KCND2: variants seen among roughly 807,000 people sequenced by gnomAD.
The protein encoded by KCND2 is potassium voltage-gated channel subfamily D member 2.
KCND2 carries 16 observed loss-of-function variants against 54.4 expected under a neutral mutation model. The observed-to-expected ratio is 0.29, with a 90% CI of 0.20 to 0.45. The LOEUF is 0.45. Among genes scored for constraint, KCND2 ranks in the 20% least tolerant of loss-of-function variants. The pLI is 1.00. For missense variants in KCND2, 486 were observed against 824.2 expected (o/e 0.59, Z 5.02); for synonymous variants, 317 against 310.7 (o/e 1.02, Z -0.21).
At chr7:120,614,099 G>A (rs953589404) in intron 1 of KCND2, among the ~76,000 whole-genome samples, 7 of 150,302 alleles carry the variant, frequency 4.7e-5, no homozygotes, top group African/African-American at 7.3e-5. Context: ...TGCAACCTCC[G>A]CCTCCTGGGT....
chr7:120,355,220 T>A (rs1385567791), intron 1 of KCND2, among the ~76,000 whole-genome samples: 1 of 152,162 alleles, frequency 6.6e-6, no homozygotes, highest in African/African-American at 2.4e-5. Context: ...CAGCCAGTGT[T>A]AAATGTGCCA....
At chr7:120,614,409 G>A (rs772017274) in intron 1 of KCND2, among the ~76,000 whole-genome samples, 1 of 152,216 alleles carries the variant, frequency 6.6e-6, no homozygotes. Context: ...AGGTTTGCTA[G>A]ATTTGACCTC....
intron 1 of KCND2, among the ~76,000 whole-genome samples, chr7:120,536,383 G>A (rs1291344907): frequency 6.6e-6 from 1 of 152,132 alleles, no homozygotes; most frequent in East Asian, 1.9e-4. Flanking sequence ...TTCAGTGGCT[G>A]TGGCAATTTC....
At chr7:120,350,833 C>A (rs1341493372) in intron 1 of KCND2, among the ~76,000 whole-genome samples, 1 of 152,092 alleles carries the variant, frequency 6.6e-6, no homozygotes, top group East Asian at 1.9e-4. Flanking sequence ...GTTGTGTTTC[C>A]AGTCATACTT....
intron 1 of KCND2, among the ~76,000 whole-genome samples, chr7:120,314,679 G>T (rs1799787406): frequency 6.6e-6 from 1 of 152,068 alleles, no homozygotes. Flanking sequence ...TTGCCTGAAT[G>T]ATTACAAATT....
chr7:120,515,587 T>A (rs184608152), intron 1 of KCND2, among the ~76,000 whole-genome samples: 397 of 152,076 alleles, frequency 2.6e-3, no homozygotes, highest in African/African-American at 9.1e-3. Flanking sequence ...ACCCACACCT[T>A]TGGAGGGATA....
At chr7:120,487,501 C>T (rs1234457047) in intron 1 of KCND2, among the ~76,000 whole-genome samples, 1 of 152,078 alleles carries the variant, frequency 6.6e-6, no homozygotes, top group Non-Finnish European at 1.5e-5. Context: ...AAAATGCCAT[C>T]AACTATTTGC....
At chr7:120,672,134 A>T (rs546771044) in intron 1 of KCND2, among the ~76,000 whole-genome samples, 2 of 151,986 alleles carry the variant, frequency 1.3e-5, no homozygotes, top group South Asian at 4.2e-4. Context: ...TGTTCAACCT[A>T]CTTCTGTTCA....
At position 120,724,997 on chromosome 7, in the gene KCND2, G is replaced by T. The variant is rs568977908; in HGVS notation, c.1116-7906G>T. ...AAAAAACACTTCATTAGAATGTTAGGTCAAAATCATATGTTCCATTTATAA... is the reference window on the plus strand; with the variant it reads ...AAAAAACACTTCATTAGAATGTTAGTTCAAAATCATATGTTCCATTTATAA... On this transcript the variant is annotated intron_variant, in intron 1 of 5. Coordinates refer to ENST00000331113, the MANE Select transcript of KCND2 (RefSeq NM_012281.3). Among the ~76,000 whole-genome samples, 5 of 152,162 alleles carry T rather than the reference G, an allele frequency of 3.3e-5. No homozygotes were observed. The East Asian group carries it at 9.7e-4, about 29-fold the overall frequency.
At chr7:120,388,473 A>C (rs1801021739) in intron 1 of KCND2, among the ~76,000 whole-genome samples, 1 of 152,042 alleles carries the variant, frequency 6.6e-6, no homozygotes, top group Admixed American at 6.6e-5. Flanking sequence ...AGCAAACCAG[A>C]AGCCTAGGGC....
intron 1 of KCND2, among the ~76,000 whole-genome samples, chr7:120,685,559 G>A (rs1792190006): frequency 6.6e-6 from 1 of 152,154 alleles, no homozygotes; most frequent in South Asian, 2.1e-4. Flanking sequence ...TCAAAGTTAG[G>A]TGTAGCCAGC....
intron 1 of KCND2, among the ~76,000 whole-genome samples, chr7:120,611,241 G>C (rs746804991): frequency 9.1e-4 from 139 of 152,120 alleles, no homozygotes; most frequent in Non-Finnish European, 1.5e-3. Context: ...CATTTCATTC[G>C]TCAGTGTCTT....
intron 1 of KCND2, among the ~76,000 whole-genome samples, chr7:120,504,949 A>C (rs1485267312): frequency 6.6e-6 from 1 of 151,692 alleles, no homozygotes; most frequent in African/African-American, 2.4e-5. Flanking sequence ...GACACTTAGA[A>C]ATATTGTTGC....
intron 1 of KCND2, among the ~76,000 whole-genome samples, chr7:120,620,799 G>C (rs1174234820): frequency 6.6e-6 from 1 of 152,100 alleles, no homozygotes; most frequent in Non-Finnish European, 1.5e-5. Context: ...ATAGGTAAAA[G>C]GAAACAGCTT....
intron 1 of KCND2, among the ~76,000 whole-genome samples, chr7:120,719,697 C>A (rs1402567786): frequency 6.6e-6 from 1 of 151,946 alleles, no homozygotes; most frequent in Non-Finnish European, 1.5e-5. Flanking sequence ...CAAAATAAAA[C>A]AACAAGCAAA....
chr7:120,338,379 ATGT>A (rs140373860), intron 1 of KCND2, among the ~76,000 whole-genome samples: 1,767 of 152,030 alleles, frequency 0.012, 40 homozygotes, highest in African/African-American at 0.04. Context: ...TTTTATCTAA[ATGT>A]TGTACATTTT....
At chr7:120,552,619 G>A (rs1485496499) in intron 1 of KCND2, among the ~76,000 whole-genome samples, 1 of 152,216 alleles carries the variant, frequency 6.6e-6, no homozygotes, top group African/African-American at 2.4e-5. Flanking sequence ...AACGTAGCAA[G>A]GCTTGTTCAT....
At chr7:120,460,660 G>T (rs761944556) in intron 1 of KCND2, among the ~76,000 whole-genome samples, 29 of 149,548 alleles carry the variant, frequency 1.9e-4, no homozygotes, top group Admixed American at 4.0e-4. Flanking sequence ...GGTAAGTTAC[G>T]AAAAGAGATA....
chr7:120,490,375 G>A (rs1364615076), intron 1 of KCND2, among the ~76,000 whole-genome samples: 2 of 152,094 alleles, frequency 1.3e-5, no homozygotes, highest in Non-Finnish European at 2.9e-5. Context: ...GATCCCAGTA[G>A]TTATTAGACC....
Sources: allele counts gnomAD v4.1 joint callset (sites outside exome capture counted in the v4.1 genomes callset), GRCh38; gene constraint gnomAD v4.1.1; transcripts MANE v1.5; gene names NCBI Gene and HGNC (gene_info 2026-07-23, HGNC 2026-07-21).